The following DIP2C variants were observed in gnomAD, a reference collection of about 807,000 sequenced individuals.
DIP2C encodes the protein DIP2 acetate--CoA ligase C (putative).
Under a neutral mutation model 192.4 loss-of-function variants are expected in DIP2C, and 33 were observed. That is an observed-to-expected ratio of 0.17 (90% CI 0.13 to 0.23). DIP2C has a LOEUF of 0.23. DIP2C is among the 10% of genes least tolerant of loss of function. The probability of loss-of-function intolerance (pLI) is 1.00; values close to 1 mark genes in which losing one functional copy is unlikely to be tolerated. For missense variants in DIP2C, 1,537 were observed against 2,110.1 expected, an observed-to-expected ratio of 0.73 and a Z score of 5.32; for synonymous variants, 979 against 864.1, an observed-to-expected ratio of 1.13 and a Z score of -2.33.
intron 1 of DIP2C, among the ~76,000 whole-genome samples, chr10:523,771 G>A (rs559113260): frequency 6.6e-6 from 1 of 152,232 alleles, no homozygotes; most frequent in East Asian, 1.9e-4. Context: ...CAACACGCCC[G>A]TTTCCACCTG....
At position 657,067 on chromosome 10, in the gene DIP2C, A is replaced by C. The variant is rs540173917; in HGVS notation, c.85+32427T>G. 5.4e-4 allele frequency among the ~76,000 whole-genome samples: 79 copies of C among 146,572 alleles called. 1 individual carries two copies. In the South Asian group the frequency reaches 0.013, roughly 24 times the overall value. The stretch of plus-strand genomic sequence containing the variant: ...CCTGCCACTGGACCTGACACTGGAC[A>C]TGCTGCTGGACTTGCCACTGGACTT... On this transcript the variant is annotated intron_variant, in intron 1 of 36. Transcript: ENST00000280886.
chr10:352,996 C>G (rs1345011569), intron 24 of DIP2C, among the ~76,000 whole-genome samples: 1 of 152,146 alleles, frequency 6.6e-6, no homozygotes, highest in Non-Finnish European at 1.5e-5. Flanking sequence ...AAAGCAACAA[C>G]CATTCACCGC....
At chr10:637,505 G>C (rs1316421602) in intron 1 of DIP2C, among the ~76,000 whole-genome samples, 1 of 152,186 alleles carries the variant, frequency 6.6e-6, no homozygotes, top group Non-Finnish European at 1.5e-5. Flanking sequence ...CCTTCTCACT[G>C]GGTCCGCACA....
chr10:439,007 G>A (rs1361234132), intron 4 of DIP2C, among the ~76,000 whole-genome samples: 1 of 152,048 alleles, frequency 6.6e-6, no homozygotes, highest in African/African-American at 2.4e-5. Context: ...ACTTTTGGTG[G>A]AGACAAAATG....
chr10:504,077 CTT>C (rs1173765306), intron 1 of DIP2C, among the ~76,000 whole-genome samples: 1 of 152,240 alleles, frequency 6.6e-6, no homozygotes, highest in Non-Finnish European at 1.5e-5. Flanking sequence ...AATACTCTCT[CTT>C]CATCTCACGA....
intron 29 of DIP2C, among the ~76,000 whole-genome samples, chr10:330,868 A>C (rs1957475492): frequency 6.8e-6 from 1 of 147,180 alleles, no homozygotes; most frequent in Non-Finnish European, 1.5e-5. Flanking sequence ...ACTGGAGTGC[A>C]GTGGTGTGAT....
chr10:374,996 T>A (rs765776083), intron 17 of DIP2C, among the ~76,000 whole-genome samples: 18 of 152,222 alleles, frequency 1.2e-4, no homozygotes, highest in Non-Finnish European at 1.8e-4. Context: ...ACCATCTCAG[T>A]GATCTCCAGG....
Position 532,544 on chromosome 10 carries a change from TGAGAGAGTATGGGTGAGA to T in DIP2C, c.86-46032_86-46015del, listed in dbSNP as rs1426491567. Among the ~76,000 whole-genome samples, 118 of 113,380 alleles carry T rather than the reference TGAGAGAGTATGGGTGAGA, an allele frequency of 1.0e-3. 1 individual carries two copies. The highest frequency in any genetic ancestry group is 0.01 in the Middle Eastern group (2 of 192). The allele number at this position is 113,380 out of a possible 152,430, so 74.4% of individuals were successfully genotyped here. A position where few individuals can be genotyped will look rare whatever the true frequency, so the allele number is the denominator to read the frequency against. On this transcript the variant is annotated intron_variant, in intron 1 of 36. Transcript: ENST00000280886. ...GTGGGTGTGTGAGAGAGTATGGGTG[TGAGAGAGTATGGGTGAGA>T]GAGAGAGTATGGGTGTGAGAGAGAG...
chr10:333,614 A>G (rs559997726), intron 29 of DIP2C, among the ~76,000 whole-genome samples: 25 of 152,332 alleles, frequency 1.6e-4, no homozygotes, highest in African/African-American at 5.5e-4. Context: ...CAAGTCTCTG[A>G]GTGGATGTTC....
At chr10:384,438 A>G (rs955465089) in intron 15 of DIP2C, 108 bp downstream of exon 15, 17 of 1,139,796 alleles carry the variant, frequency 1.5e-5, no homozygotes, top group Admixed American at 9.7e-5. Context: ...GGGTTTCTCC[A>G]TATTGGCCCG....
intron 13 of DIP2C, among the ~76,000 whole-genome samples, 153 bp from the exon 14 acceptor site, chr10:387,962 G>C (rs1183060380): frequency 6.6e-6 from 1 of 152,198 alleles, no homozygotes; most frequent in Non-Finnish European, 1.5e-5. Context: ...TAGACTCCAA[G>C]TAGGCCGGTT....
At chr10:667,583 A>T (rs1435003709) in intron 1 of DIP2C, 1 of 152,314 alleles carries the variant, frequency 6.6e-6, no homozygotes, top group African/African-American at 2.4e-5. Flanking sequence ...TATACAACAC[A>T]TACCCAATAT....
chr10:456,705 C>G (rs1969329445), intron 3 of DIP2C, among the ~76,000 whole-genome samples: 1 of 152,214 alleles, frequency 6.6e-6, no homozygotes, highest in Non-Finnish European at 1.5e-5. Context: ...CTCCACTACA[C>G]AGGGCCATCT....
intron 1 of DIP2C, among the ~76,000 whole-genome samples, chr10:521,815 G>A (rs763949982): frequency 5.3e-5 from 8 of 152,002 alleles, no homozygotes; most frequent in African/African-American, 1.7e-4. Context: ...TAGCAAAATC[G>A]GGAGGAAAGC....
intron 31 of DIP2C, among the ~76,000 whole-genome samples, chr10:320,532 A>G (rs1798726017): frequency 6.6e-6 from 1 of 151,660 alleles, no homozygotes; most frequent in Admixed American, 6.6e-5. Context: ...AAAATCAAGT[A>G]TCAGTACTTT....
intron 1 of DIP2C, among the ~76,000 whole-genome samples, chr10:585,961 G>C (rs1850997424): frequency 6.6e-6 from 1 of 152,136 alleles, no homozygotes; most frequent in Non-Finnish European, 1.5e-5. Context: ...AAAGGAAAAG[G>C]CAATTTGGTA....
At chr10:520,652 C>T (rs1621280) in intron 1 of DIP2C, among the ~76,000 whole-genome samples, 108,970 of 152,078 alleles carry the variant, frequency 0.72, 42,204 homozygotes, top group South Asian at 0.86. Flanking sequence ...CCGCACTCCC[C>T]CGCTGCTCCC....
At chr10:454,766 CATTATTGCA>C (rs1969150391) in intron 3 of DIP2C, among the ~76,000 whole-genome samples, 1 of 151,902 alleles carries the variant, frequency 6.6e-6, no homozygotes, top group African/African-American at 2.4e-5. Flanking sequence ...TGCTCGATGT[CATTATTGCA>C]ATGAGATATT....
chr10:670,959 A>C (rs1830605584), intron 1 of DIP2C, among the ~76,000 whole-genome samples: 1 of 152,232 alleles, frequency 6.6e-6, no homozygotes, highest in Non-Finnish European at 1.5e-5. Context: ...TCTCATTTCA[A>C]AACCGTTTCC....
Sources: allele counts gnomAD v4.1 joint callset (sites outside exome capture counted in the v4.1 genomes callset), GRCh38; gene constraint gnomAD v4.1.1; transcripts MANE v1.5; gene names NCBI Gene and HGNC (gene_info 2026-07-23, HGNC 2026-07-21).